The following SPATA6 variants were observed in gnomAD, a reference collection of about 807,000 sequenced individuals.
SPATA6 encodes the protein spermatogenesis associated 6.
Under a neutral mutation model 65.3 loss-of-function variants are expected in SPATA6, and 56 were observed. The ratio of observed to expected loss-of-function variants is 0.86; its 90% CI spans 0.69 to 1.07. SPATA6 has a LOEUF of 1.07. Among genes scored for constraint, SPATA6 ranks in the 50% least tolerant of loss-of-function variants. SPATA6 has a pLI of 0.00. For missense variants in SPATA6, 590 were observed against 594.8 expected (o/e 0.99, Z 0.08); for synonymous variants, 199 against 213.2 (o/e 0.93, Z 0.58).
At chr1:48,295,219 C>CG (rs1644794180), downstream of SPATA6, among the ~76,000 whole-genome samples, 1 of 152,058 alleles carries the variant, frequency 6.6e-6, no homozygotes, top group African/African-American at 2.4e-5. Context: ...CCATAGGACC[C>CG]AGCAAGTCAA....
chr1:48,314,983 C>T (rs946100534), intron 11 of SPATA6, among the ~76,000 whole-genome samples: 4 of 152,134 alleles, frequency 2.6e-5, no homozygotes, highest in Non-Finnish European at 4.4e-5. Context: ...CCTCCCAAGA[C>T]TAAACCAGGA....
intron 9 of SPATA6, among the ~76,000 whole-genome samples, chr1:48,365,759 T>C (rs886365428): frequency 6.6e-6 from 1 of 152,194 alleles, no homozygotes; most frequent in East Asian, 1.9e-4. Context: ...TTTGACTTCC[T>C]CTTTCCCTAA....
At chr1:48,278,174 T>A in the SPATA6 span, among the ~76,000 whole-genome samples, 1 of 151,882 alleles carries the variant, frequency 6.6e-6, no homozygotes, top group Non-Finnish European at 1.5e-5. Flanking sequence ...CACCAAAAAC[T>A]CATCTGTACA....
chr1:48,366,744 C>G lies in SPATA6; in HGVS notation c.910-6974G>C, dbSNP rs540332382. On this transcript the variant is annotated intron_variant, in intron 9 of 12. Transcript: ENST00000371847. ...AATTTTGTTGATCTTTTCAAAAAACCAGCTCCTGGATTCATTGATTTTTTG... is the reference window on the plus strand; with the variant it reads ...AATTTTGTTGATCTTTTCAAAAAACGAGCTCCTGGATTCATTGATTTTTTG... Among the ~76,000 whole-genome samples, 5 of 152,164 alleles carry G rather than the reference C, an allele frequency of 3.3e-5. No homozygotes were observed. The South Asian group carries it at 8.3e-4, about 25-fold the overall frequency.
chr1:48,263,138 C>A, the SPATA6 span: 1 of 152,078 alleles, frequency 6.6e-6, no homozygotes, highest in Non-Finnish European at 1.5e-5. Context: ...ATATACTTTT[C>A]TATTTTTTCC....
In SPATA6 at chr1:48,453,950, GA is replaced by G. The variant is rs201537771; in HGVS notation, c.52-820del. On this transcript the variant is annotated intron_variant, in intron 1 of 12. Coordinates refer to ENST00000371847, the MANE Select transcript of SPATA6 (RefSeq NM_019073.4). ...TAACCAAAAGCTGCAGTTTTAGGGG[GA>G]AAAAAAAGACAGAAAGAAGTACCAA... 8.9e-3 allele frequency among the ~76,000 whole-genome samples: 1,303 copies of G among 146,564 alleles called. 22 individuals carry two copies. The highest frequency in any genetic ancestry group is 0.031 in the African/African-American group (1,254 of 40,286).
chr1:48,316,394 C>T (rs1267534221), intron 11 of SPATA6, among the ~76,000 whole-genome samples: 1 of 152,156 alleles, frequency 6.6e-6, no homozygotes, highest in Non-Finnish European at 1.5e-5. Flanking sequence ...CTACAACTAT[C>T]TGATCTTTGA....
intron 3 of SPATA6, among the ~76,000 whole-genome samples, chr1:48,432,535 C>T (rs1166034264): frequency 1.3e-5 from 2 of 152,012 alleles, no homozygotes; most frequent in East Asian, 3.9e-4. Flanking sequence ...AGAAAAGATG[C>T]TCAAGATCAC....
intron 9 of SPATA6, among the ~76,000 whole-genome samples, chr1:48,369,777 C>G (rs1018265568): frequency 2.0e-5 from 3 of 152,194 alleles, no homozygotes; most frequent in Non-Finnish European, 4.4e-5. Context: ...TGGTGCACTG[C>G]ACCCACTGTC....
chr1:48,289,803 A>G, the SPATA6 span, among the ~76,000 whole-genome samples: 1 of 152,186 alleles, frequency 6.6e-6, no homozygotes, highest in Non-Finnish European at 1.5e-5. Flanking sequence ...TTCAGAGAAA[A>G]AAGAGTACAA....
intron 11 of SPATA6, among the ~76,000 whole-genome samples, chr1:48,313,467 T>C (rs1487729452): frequency 6.6e-6 from 1 of 152,052 alleles, no homozygotes; most frequent in Non-Finnish European, 1.5e-5. Context: ...GAAGGAGAAA[T>C]AAAATCCTTT....
chr1:48,278,527 T>G, the SPATA6 span, among the ~76,000 whole-genome samples: 3 of 152,130 alleles, frequency 2.0e-5, no homozygotes, highest in South Asian at 2.1e-4. Flanking sequence ...GAGAACTACA[T>G]GAAGAATGCA....
At chr1:48,306,751 T>C (rs1570012500) in intron 11 of SPATA6, among the ~76,000 whole-genome samples, 1 of 152,072 alleles carries the variant, frequency 6.6e-6, no homozygotes, top group East Asian at 1.9e-4. Flanking sequence ...AAAAATTTGC[T>C]GATGGCATGA....
At chr1:48,418,266 A>G (rs911044626) in intron 3 of SPATA6, among the ~76,000 whole-genome samples, 3 of 152,180 alleles carry the variant, frequency 2.0e-5, no homozygotes, top group Non-Finnish European at 4.4e-5. Context: ...TAAATGGAAG[A>G]ACAAAAAAGG....
At chr1:48,340,528 C>A (rs575393997) in intron 11 of SPATA6, among the ~76,000 whole-genome samples, 4 of 150,628 alleles carry the variant, frequency 2.7e-5, no homozygotes, top group Non-Finnish European at 5.9e-5. Context: ...TTGTATTAGA[C>A]TATAATAAAG....
At chr1:48,364,429 G>T (rs1285319988) in intron 9 of SPATA6, among the ~76,000 whole-genome samples, 1 of 152,198 alleles carries the variant, frequency 6.6e-6, no homozygotes, top group Admixed American at 6.5e-5. Context: ...CAGTGTAAAA[G>T]TGTTCCTATT....
intron 3 of SPATA6, among the ~76,000 whole-genome samples, chr1:48,417,529 A>C (rs1313870949): frequency 6.6e-6 from 1 of 152,164 alleles, no homozygotes; most frequent in Non-Finnish European, 1.5e-5. Flanking sequence ...ATTATAAAAC[A>C]GGGAGGCCGG....
chr1:48,400,904 G>T, intron 6 of SPATA6: 1 of 1,046,972 alleles, frequency 9.6e-7, no homozygotes, highest in Non-Finnish European at 1.2e-6. Flanking sequence ...ACCCATCTCT[G>T]TGACATCACA....
chr1:48,339,030 C>A (rs1331884337), intron 11 of SPATA6, among the ~76,000 whole-genome samples: 1 of 151,952 alleles, frequency 6.6e-6, no homozygotes, highest in African/African-American at 2.4e-5. Context: ...GTGACAAAAC[C>A]AGAGAGCAGG....
Sources: gnomAD v4.1 joint callset for allele counts (sites outside exome capture counted in the v4.1 genomes callset) on GRCh38, gnomAD v4.1.1 for gene constraint, MANE v1.5 for transcripts, NCBI Gene and HGNC (gene_info 2026-07-23, HGNC 2026-07-21) for gene names.